Variants in ARB2A observed in about 807,000 individuals in gnomAD.
ARB2A encodes ARB2 cotranscriptional regulator A, also known as cotranscriptional regulator ARB2A.
the ARB2A span, chr5:94,111,601 T>C: frequency 6.6e-6 from 1 of 152,226 alleles, no homozygotes; most frequent in African/African-American, 2.4e-5. Flanking sequence ...CGTGCGGTTG[T>C]TATGACTTTC....
the ARB2A span, among the ~76,000 whole-genome samples, chr5:93,779,259 C>A: frequency 6.6e-6 from 1 of 152,170 alleles, no homozygotes; most frequent in African/African-American, 2.4e-5. Context: ...CAAAGAAAGA[C>A]ATACAGCTAT....
chr5:93,803,121 T>G, the ARB2A span, among the ~76,000 whole-genome samples: 1 of 152,086 alleles, frequency 6.6e-6, no homozygotes, highest in Non-Finnish European at 1.5e-5. Flanking sequence ...TAGGTGATAG[T>G]GAAAAGTCAA....
At chr5:93,785,258 A>G in the ARB2A span, among the ~76,000 whole-genome samples, 1 of 152,214 alleles carries the variant, frequency 6.6e-6, no homozygotes, top group Non-Finnish European at 1.5e-5. Flanking sequence ...GTTTTAATCT[A>G]CTACACTAGT....
At chr5:93,781,539 C>T in the ARB2A span, among the ~76,000 whole-genome samples, 3 of 152,018 alleles carry the variant, frequency 2.0e-5, no homozygotes, top group African/African-American at 7.2e-5. Flanking sequence ...TATTTTGCTT[C>T]GGGTAGATAC....
the ARB2A span, among the ~76,000 whole-genome samples, chr5:94,086,655 C>T: frequency 3.3e-5 from 5 of 152,238 alleles, no homozygotes; most frequent in South Asian, 2.1e-4. Flanking sequence ...TGGATTCAAG[C>T]GATTCTCCTG....
chr5:93,917,518 A>G, the ARB2A span, among the ~76,000 whole-genome samples: 57 of 152,282 alleles, frequency 3.7e-4, no homozygotes, highest in African/African-American at 1.3e-3. Context: ...TGTTTGCATG[A>G]TTGTTATGTA....
At chr5:93,794,877 T>C in the ARB2A span, among the ~76,000 whole-genome samples, 1 of 152,184 alleles carries the variant, frequency 6.6e-6, no homozygotes, top group African/African-American at 2.4e-5. Context: ...TGGTTTTGTG[T>C]TGATTGGTCT....
At chr5:93,753,236 T>C in the ARB2A span, among the ~76,000 whole-genome samples, 1 of 152,180 alleles carries the variant, frequency 6.6e-6, no homozygotes, top group Non-Finnish European at 1.5e-5. Context: ...GCAATTACTG[T>C]TGATTTTTCA....
the ARB2A span, among the ~76,000 whole-genome samples, chr5:93,822,602 T>C: frequency 1.3e-5 from 2 of 152,068 alleles, no homozygotes; most frequent in South Asian, 2.1e-4. Flanking sequence ...AAATAAGCTA[T>C]ATATAATCTA....
the ARB2A span, among the ~76,000 whole-genome samples, chr5:93,711,893 T>G: frequency 2.0e-5 from 3 of 152,224 alleles, no homozygotes; most frequent in African/African-American, 7.2e-5. Flanking sequence ...GCCCCGGCCC[T>G]GCTAGTCTGA....
At chr5:93,830,350 TATCCAC>T in the ARB2A span, among the ~76,000 whole-genome samples, 1 of 140,274 alleles carries the variant, frequency 7.1e-6, no homozygotes, top group Non-Finnish European at 1.5e-5. Flanking sequence ...TATATATATA[TATCCAC>T]ACACAATTAG....
chr5:93,975,308 C>T, the ARB2A span, among the ~76,000 whole-genome samples: 2 of 134,114 alleles, frequency 1.5e-5, no homozygotes, highest in Non-Finnish European at 3.1e-5. Context: ...CAGAGCAAGA[C>T]TCCATCTCAA....
At chr5:93,866,249 G>A in the ARB2A span, 1 of 984,258 alleles carries the variant, frequency 1.0e-6, no homozygotes, top group Non-Finnish European at 1.2e-6. Flanking sequence ...AAGAACATTA[G>A]AAGTGAATGA....
chr5:93,979,288 G>A, the ARB2A span, among the ~76,000 whole-genome samples: 34 of 152,152 alleles, frequency 2.2e-4, no homozygotes, highest in African/African-American at 8.2e-4. Flanking sequence ...CAGTATGTTA[G>A]GAACATTCAC....
chr5:93,749,721 TA>T, the ARB2A span, among the ~76,000 whole-genome samples: 2 of 152,156 alleles, frequency 1.3e-5, no homozygotes, highest in African/African-American at 2.4e-5. Context: ...ATACAACTAT[TA>T]AAGAGTTTGA....
At chr5:93,808,907 A>G in the ARB2A span, among the ~76,000 whole-genome samples, 12 of 152,022 alleles carry the variant, frequency 7.9e-5, no homozygotes, top group Non-Finnish European at 1.5e-4. Context: ...TTAAACAGGA[A>G]TTATGCCAGC....
the ARB2A span, among the ~76,000 whole-genome samples, chr5:93,715,992 A>C: frequency 2.0e-5 from 3 of 152,220 alleles, no homozygotes; most frequent in Non-Finnish European, 4.4e-5. Context: ...TAAACATGAT[A>C]GGTAACACAT....
the ARB2A span, among the ~76,000 whole-genome samples, chr5:93,665,620 CAG>C: frequency 6.6e-6 from 1 of 152,154 alleles, no homozygotes; most frequent in Non-Finnish European, 1.5e-5. Context: ...ATAAAACAAA[CAG>C]GGGTCAGGCA....
the ARB2A span, among the ~76,000 whole-genome samples, chr5:93,718,590 A>T: frequency 6.6e-6 from 1 of 152,212 alleles, no homozygotes; most frequent in Non-Finnish European, 1.5e-5. Flanking sequence ...AACTACATTA[A>T]CAGTCATACA....
Sources: gnomAD v4.1 joint callset for allele counts (sites outside exome capture counted in the v4.1 genomes callset) on GRCh38, gnomAD v4.1.1 for gene constraint, MANE v1.5 for transcripts, NCBI Gene and HGNC (gene_info 2026-07-23, HGNC 2026-07-21) for gene names.